The following FAAH2 variants were observed in gnomAD, a reference collection of about 807,000 sequenced individuals.
FAAH2 encodes the protein fatty-acid amide hydrolase 2.
A neutral mutation model predicts 36.9 loss-of-function variants in FAAH2; 60 were observed. The observed-to-expected ratio is 1.63, with a 90% CI of 1.32 to 2.02. The LOEUF (loss-of-function observed/expected upper bound fraction) is 2.02. FAAH2 is among the 30% of genes most tolerant of loss of function. The probability of loss-of-function intolerance (pLI) is 0.00; values close to 1 mark genes in which losing one functional copy is unlikely to be tolerated. For missense variants in FAAH2, 689 were observed against 397.5 expected (o/e 1.73, Z -6.23); for synonymous variants, 214 against 143.8 (o/e 1.49, Z -3.49).
chrX:57,416,935 CT>C (rs1183889878), intron 7 of FAAH2, among the ~76,000 whole-genome samples: 3 of 110,566 alleles, frequency 2.7e-5, no homozygotes, highest in Non-Finnish European at 5.7e-5. Flanking sequence ...TTTCTTCATT[CT>C]TTTTTTTTCT....
At chrX:57,393,209 C>T in intron 7 of FAAH2, 1 of 1,199,605 alleles carries the variant, frequency 8.3e-7, no homozygotes, top group Non-Finnish European at 1.1e-6. Context: ...TCCAAACATT[C>T]TGGCATTTTC....
chrX:57,450,590 A>G (rs1348980448), intron 10 of FAAH2, among the ~76,000 whole-genome samples: 1 of 111,846 alleles, frequency 8.9e-6, no homozygotes, highest in Non-Finnish European at 1.9e-5. Flanking sequence ...TGGATGCCAA[A>G]TAGGTTAATG....
intron 5 of FAAH2, among the ~76,000 whole-genome samples, chrX:57,356,773 T>A (rs2054167201): frequency 9.0e-6 from 1 of 110,827 alleles, no homozygotes; most frequent in African/African-American, 3.3e-5. Flanking sequence ...CTGCTTTAAT[T>A]TTAATTTTTA....
intron 7 of FAAH2, among the ~76,000 whole-genome samples, chrX:57,419,769 T>C (rs1447006112): frequency 1.8e-5 from 2 of 111,916 alleles, no homozygotes; most frequent in Non-Finnish European, 3.8e-5. Context: ...TTGCTTTTGG[T>C]GTTTTAGACA....
In FAAH2 at chrX:57,438,272, GA is replaced by G. The variant is rs1305908834; in HGVS notation, c.1116+6236del. Among the ~76,000 whole-genome samples the G allele has an allele frequency of 1.1e-3, 111 of 105,311 alleles. 1 individual carries two copies. Among genetic ancestry groups the G allele is most frequent in the African/African-American group, 3.7e-3 (107 of 29,246 alleles). 91.4% of individuals were successfully genotyped at this position (105,311 alleles called of 115,157 possible). A position where few individuals can be genotyped will look rare whatever the true frequency, so the allele number is the denominator to read the frequency against. On this transcript the variant is annotated intron_variant, in intron 8 of 10. Coordinates refer to ENST00000374900, the MANE Select transcript of FAAH2 (RefSeq NM_174912.4). ...ATATAAGTATATAGATATAGATATA[GA>G]TATAGATATCAGTAAAACTACAGAC...
chrX:57,287,547 A>G (rs1174184794), intron 1 of FAAH2, among the ~76,000 whole-genome samples: 2 of 112,304 alleles, frequency 1.8e-5, no homozygotes, highest in African/African-American at 6.5e-5. Context: ...ACTTAAACAT[A>G]TTCTATTTCA....
the FAAH2 span, among the ~76,000 whole-genome samples, chrX:57,160,651 ATAG>A: frequency 8.9e-6 from 1 of 111,761 alleles, no homozygotes; most frequent in Non-Finnish European, 1.9e-5. Flanking sequence ...GTATTCTCTG[ATAG>A]TAGTTTGTAT....
the FAAH2 span, among the ~76,000 whole-genome samples, chrX:57,207,939 G>T: frequency 8.9e-6 from 1 of 112,842 alleles, no homozygotes; most frequent in Non-Finnish European, 1.9e-5. Context: ...TTGGAATGGG[G>T]TCTGGGACGG....
At chrX:57,323,741 C>T (rs1371301765) in intron 3 of FAAH2, among the ~76,000 whole-genome samples, 3 of 98,986 alleles carry the variant, frequency 3.0e-5, no homozygotes, top group Non-Finnish European at 6.0e-5. Context: ...TGGATATTAG[C>T]CCTTTGTCAG....
In FAAH2 at chrX:57,358,700, G is replaced by A. The variant is rs554701259; in HGVS notation, c.742+17310G>A. Among the ~76,000 whole-genome samples the A allele has an allele frequency of 8.7e-4, 97 of 111,394 alleles. 5 individuals carry two copies. In the South Asian group the frequency reaches 0.036, roughly 41 times the overall value. Reference sequence around the variant, plus strand: ...AATGCTAAATCTCTTTGAAATTCTAGAATTCAAGATCTGAGTATTTAGGTG... The same window carrying A: ...AATGCTAAATCTCTTTGAAATTCTAAAATTCAAGATCTGAGTATTTAGGTG... On this transcript the variant is annotated intron_variant, in intron 5 of 10. Coordinates refer to ENST00000374900, the MANE Select transcript of FAAH2 (RefSeq NM_174912.4).
At position 57,395,622 on chromosome X, in the gene FAAH2, T is replaced by A. The variant is rs907221042; in HGVS notation, c.996+14593T>A. ...AGTCGTTTTTCTTCATCAATTGAGA[T>A]GATCATGTAGTGTTTGTTTTTTATT... On this transcript the variant is annotated intron_variant, in intron 7 of 10. Transcript: ENST00000374900. 3.6e-5 allele frequency among the ~76,000 whole-genome samples: 4 copies of A among 112,242 alleles called. No homozygotes were observed. The Admixed American group carries it at 3.8e-4, about 11-fold the overall frequency.
the FAAH2 span, among the ~76,000 whole-genome samples, chrX:57,227,775 A>G: frequency 9.0e-6 from 1 of 111,615 alleles, no homozygotes; most frequent in East Asian, 2.9e-4. Context: ...GGGTGGGGGC[A>G]GGGCCGTGTC....
At chrX:57,431,312 C>A (rs1340436262) in intron 7 of FAAH2, among the ~76,000 whole-genome samples, 2 of 111,684 alleles carry the variant, frequency 1.8e-5, no homozygotes, top group Non-Finnish European at 3.8e-5. Flanking sequence ...ACTTCTGCTT[C>A]TTCTCAGAGC....
intron 5 of FAAH2, among the ~76,000 whole-genome samples, chrX:57,346,441 C>G (rs1179820035): frequency 2.7e-5 from 3 of 111,832 alleles, no homozygotes; most frequent in East Asian, 5.6e-4. Context: ...GATAGCAACT[C>G]CTGCTTTTCT....
At chrX:57,338,067 T>C (rs1452981329) in intron 4 of FAAH2, among the ~76,000 whole-genome samples, 1 of 112,146 alleles carries the variant, frequency 8.9e-6, no homozygotes, top group African/African-American at 3.2e-5. Context: ...CTCAGTTTCA[T>C]GAACGTCCGT....
intron 5 of FAAH2, among the ~76,000 whole-genome samples, chrX:57,363,301 T>C (rs2054330818): frequency 8.9e-6 from 1 of 111,770 alleles, no homozygotes; most frequent in Non-Finnish European, 1.9e-5. Flanking sequence ...TGGTTAGCTA[T>C]ATTCCTAAGT....
intron 10 of FAAH2, among the ~76,000 whole-genome samples, chrX:57,459,337 T>C (rs2056917576): frequency 8.9e-6 from 1 of 112,069 alleles, no homozygotes; most frequent in African/African-American, 3.2e-5. Flanking sequence ...GGCAGGGGCT[T>C]ATAGATAAAT....
At chrX:57,482,573 C>A (rs2057399051) in intron 10 of FAAH2, among the ~76,000 whole-genome samples, 1 of 110,381 alleles carries the variant, frequency 9.1e-6, no homozygotes, top group African/African-American at 3.3e-5. Flanking sequence ...GTTGGACCCA[C>A]TGCCTAACCA....
At chrX:57,354,518 T>C (rs2147115839) in intron 5 of FAAH2, among the ~76,000 whole-genome samples, 1 of 110,309 alleles carries the variant, frequency 9.1e-6, no homozygotes, top group African/African-American at 3.3e-5. Flanking sequence ...CAAGCCCTGA[T>C]TTGACTGTTA....
Sources: allele counts gnomAD v4.1 joint callset (sites outside exome capture counted in the v4.1 genomes callset), GRCh38; gene constraint gnomAD v4.1.1; transcripts MANE v1.5; gene names NCBI Gene and HGNC (gene_info 2026-07-23, HGNC 2026-07-21).